DCAF10: variants seen among roughly 807,000 people sequenced by gnomAD.
DCAF10 encodes the protein DDB1- and CUL4-associated factor 10.
DCAF10 carries 19 observed loss-of-function variants against 51.9 expected under a neutral mutation model. That is an observed-to-expected ratio of 0.37 (90% confidence interval 0.26 to 0.54). DCAF10 has a LOEUF of 0.54. DCAF10 is among the 20% of genes least tolerant of loss of function. The pLI is 0.87. For missense variants in DCAF10, 510 were observed against 730.6 expected (o/e 0.70, Z 3.48); for synonymous variants, 291 against 297.1 (o/e 0.98, Z 0.21).
intron 3 of DCAF10, among the ~76,000 whole-genome samples, chr9:37,846,237 A>C (rs1830467949): frequency 6.6e-6 from 1 of 152,224 alleles, no homozygotes; most frequent in Non-Finnish European, 1.5e-5. Context: ...TTAACAGATA[A>C]AATGGGTAAA....
chr9:37,863,697 G>A lies in DCAF10; in HGVS notation c.*2189G>A, dbSNP rs1831074232. The A allele has an allele frequency of 6.6e-6, 1 of 152,202 alleles. No homozygotes were observed. Among genetic ancestry groups the A allele is most frequent in the African/African-American group, 2.4e-5 (1 of 41,450 alleles). 9.4% of individuals were successfully genotyped at this position (152,202 alleles called of 1,614,324 possible). A position where few individuals can be genotyped will look rare whatever the true frequency, so the allele number is the denominator to read the frequency against. On this transcript the variant is annotated 3_prime_UTR_variant, in exon 7 of 7. Coordinates refer to ENST00000377724, the MANE Select transcript of DCAF10 (RefSeq NM_024345.5). Reference sequence around the variant, plus strand: ...ATAGATTTTAGAAAGGCAGGCATGGGAGTAGATGCTGAGAATTCTAGCCAT... The same window carrying A: ...ATAGATTTTAGAAAGGCAGGCATGGAAGTAGATGCTGAGAATTCTAGCCAT...
chr9:37,835,386 C>G (rs1185571310), intron 2 of DCAF10, among the ~76,000 whole-genome samples: 2 of 152,010 alleles, frequency 1.3e-5, no homozygotes, highest in Non-Finnish European at 2.9e-5. Flanking sequence ...TGAGACCAGC[C>G]TGGCCAAAAT....
intron 3 of DCAF10, among the ~76,000 whole-genome samples, chr9:37,851,333 ACT>A (rs1182433884): frequency 3.3e-5 from 5 of 151,714 alleles, no homozygotes; most frequent in African/African-American, 1.2e-4. Context: ...CAGGTGTGAC[ACT>A]CTGCCTGGCT....
chr9:37,860,368 T>C (rs968326553), intron 6 of DCAF10, 175 bp downstream of exon 6: 62 of 794,534 alleles, frequency 7.8e-5, no homozygotes, highest in Admixed American at 1.5e-4. Context: ...ATGGTATCAT[T>C]ATCCCTTCCA....
chr9:37,854,237 C>T (rs1193458743), intron 3 of DCAF10, among the ~76,000 whole-genome samples: 1 of 151,962 alleles, frequency 6.6e-6, no homozygotes, highest in Non-Finnish European at 1.5e-5. Flanking sequence ...GTAGTTGGAA[C>T]TATGAGTGCA....
At chr9:37,834,492 CTATTTT>C (rs1317622231) in intron 2 of DCAF10, among the ~76,000 whole-genome samples, 3 of 152,086 alleles carry the variant, frequency 2.0e-5, no homozygotes, top group Non-Finnish European at 2.9e-5. Flanking sequence ...GCTAATCCCC[CTATTTT>C]TTATGAAAGT....
chr9:37,850,838 A>T (rs1431176338), intron 3 of DCAF10, among the ~76,000 whole-genome samples: 1 of 16,736 alleles, frequency 6.0e-5, no homozygotes, highest in Admixed American at 5.1e-4. Context: ...ATATATATAT[A>T]TATATATATA....
intron 3 of DCAF10, 130 bp downstream of exon 3, chr9:37,842,416 G>A (rs575123709): frequency 1.1e-6 from 1 of 893,774 alleles, no homozygotes. Flanking sequence ...AAAAAGTGAT[G>A]ATATATTTTG....
intron 1 of DCAF10, among the ~76,000 whole-genome samples, chr9:37,803,845 A>G (rs1406375016): frequency 6.6e-6 from 1 of 151,284 alleles, no homozygotes; most frequent in African/African-American, 2.4e-5. Context: ...GGTGACACAG[A>G]ATGTAAAAAT....
chr9:37,836,669 C>A (rs1243041900), intron 2 of DCAF10, among the ~76,000 whole-genome samples: 5 of 152,074 alleles, frequency 3.3e-5, no homozygotes, highest in African/African-American at 1.2e-4. Flanking sequence ...AGTGAAAATT[C>A]TATTTTGTTA....
chr9:37,812,068 T>G (rs1053887078), intron 1 of DCAF10, among the ~76,000 whole-genome samples: 3 of 152,026 alleles, frequency 2.0e-5, no homozygotes, highest in Non-Finnish European at 1.5e-5. Context: ...TGGTCCCAGC[T>G]ACTCAGGAGG....
At chr9:37,813,499 C>G (rs1386787765) in intron 1 of DCAF10, among the ~76,000 whole-genome samples, 2 of 152,210 alleles carry the variant, frequency 1.3e-5, no homozygotes, top group African/African-American at 2.4e-5. Flanking sequence ...CTAGTAGTTA[C>G]ATTAAATGTA....
chr9:37,801,087 C>A lies in DCAF10; in HGVS notation c.221C>A (p.Pro74His). The change falls in exon 1 of 7, where the codon CCT becomes CAT. Residue 74 changes from proline to histidine, a missense_variant. Coordinates refer to ENST00000377724, the MANE Select transcript of DCAF10 (RefSeq NM_024345.5). The surrounding 1 kb of genome is among the most constrained non-coding windows in gnomAD (Gnocchi z 5.5). ...CCGCGCTCCGGAGAGCTAGGGCTGC[C>A]TGGAGCTCCGGAGTCCTCAACTGCC... ...PAPRSGELGL[P>H]GAPESSTASA... 6.5e-7 allele frequency: 1 copy of A among 1,534,670 alleles called. No individual in the cohort carries two copies. Among genetic ancestry groups the A allele is most frequent in the East Asian group, 2.5e-5 (1 of 39,446 alleles).
At chr9:37,823,070 G>T (rs1829752982) in intron 2 of DCAF10, among the ~76,000 whole-genome samples, 2 of 152,184 alleles carry the variant, frequency 1.3e-5, no homozygotes, top group African/African-American at 4.8e-5. Context: ...TAATGAGTTA[G>T]AATATAGCAC....
At chr9:37,836,517 G>C (rs200708435) in intron 2 of DCAF10, 1 of 825,894 alleles carries the variant, frequency 1.2e-6, no homozygotes, top group Non-Finnish European at 2.1e-6. Context: ...GCTCTATTGA[G>C]TTCTCGTGCC....
chr9:37,857,553 A>C (rs1402244591), intron 5 of DCAF10, among the ~76,000 whole-genome samples: 2 of 152,212 alleles, frequency 1.3e-5, no homozygotes, highest in African/African-American at 4.8e-5. Flanking sequence ...AAATCTTAAT[A>C]GAACTTGAGC....
At chr9:37,859,852 T>C (rs1236913347) in intron 5 of DCAF10, among the ~76,000 whole-genome samples, 196 bp from the exon 6 acceptor site, 1 of 152,140 alleles carries the variant, frequency 6.6e-6, no homozygotes, top group Non-Finnish European at 1.5e-5. Context: ...ATTTATACCC[T>C]TTCCCCACAC....
At chr9:37,843,712 C>T (rs1830398168) in intron 3 of DCAF10, among the ~76,000 whole-genome samples, 1 of 152,108 alleles carries the variant, frequency 6.6e-6, no homozygotes. Flanking sequence ...AACTAGCTTA[C>T]AAAATAAATT....
chr9:37,844,468 C>T (rs945181856), intron 3 of DCAF10, among the ~76,000 whole-genome samples: 7 of 152,134 alleles, frequency 4.6e-5, no homozygotes, highest in South Asian at 2.1e-4. Context: ...CTGGCCAGCA[C>T]GCAGAAACCC....
Sources: gnomAD v4.1 joint callset for allele counts (sites outside exome capture counted in the v4.1 genomes callset) on GRCh38, gnomAD v4.1.1 for gene constraint, Gnocchi (gnomAD v3.1) non-coding constraint, MANE v1.5 for transcripts, NCBI Gene and HGNC (gene_info 2026-07-23, HGNC 2026-07-21) for gene names.